Variants in NXPH2 observed in about 807,000 individuals in gnomAD.
NXPH2 encodes neurexophilin-2.
Under a neutral mutation model 19.8 loss-of-function variants are expected in NXPH2, and 5 were observed. The ratio of observed to expected loss-of-function variants is 0.25; its 90% CI spans 0.13 to 0.53. The LOEUF (loss-of-function observed/expected upper bound fraction) is 0.53, where lower values mean the gene tolerates loss of function less well. NXPH2 is among the 20% of genes least tolerant of loss of function. The probability of loss-of-function intolerance (pLI) is 0.96; values close to 1 mark genes in which losing one functional copy is unlikely to be tolerated. For synonymous variants in NXPH2, 154 were observed against 127.4 expected (o/e 1.21, Z -1.41); for missense variants, 289 against 322.8 (o/e 0.90, Z 0.80).
At chr2:138,767,512 G>T (rs1044868857) in intron 1 of NXPH2, among the ~76,000 whole-genome samples, 4 of 152,104 alleles carry the variant, frequency 2.6e-5, no homozygotes, top group Non-Finnish European at 5.9e-5. Flanking sequence ...TGTTACATAG[G>T]TATACATGTG....
At chr2:138,746,023 C>T (rs954499065) in intron 1 of NXPH2, among the ~76,000 whole-genome samples, 5 of 152,056 alleles carry the variant, frequency 3.3e-5, no homozygotes, top group African/African-American at 7.2e-5. Context: ...TGCTGATAGT[C>T]GTGGGGAGAG....
At chr2:138,684,544 T>A (rs1420125468) in intron 1 of NXPH2, among the ~76,000 whole-genome samples, 3 of 152,188 alleles carry the variant, frequency 2.0e-5, no homozygotes, top group African/African-American at 7.2e-5. Flanking sequence ...ATATACAGTA[T>A]TTAGTTGCAT....
intron 1 of NXPH2, among the ~76,000 whole-genome samples, chr2:138,703,808 G>A (rs902499686): frequency 2.0e-5 from 3 of 152,186 alleles, no homozygotes; most frequent in Admixed American, 6.5e-5. Context: ...CCTCCTAACT[G>A]AGAAACATGC....
At chr2:138,676,899 C>G (rs943615162) in intron 1 of NXPH2, among the ~76,000 whole-genome samples, 2 of 152,224 alleles carry the variant, frequency 1.3e-5, no homozygotes, top group Admixed American at 6.5e-5. Flanking sequence ...TGTTTCTAGT[C>G]TTACTGGCAT....
intron 1 of NXPH2, among the ~76,000 whole-genome samples, chr2:138,759,542 C>T (rs1437118450): frequency 6.6e-6 from 1 of 151,606 alleles, no homozygotes; most frequent in African/African-American, 2.4e-5. Context: ...AGAAAGATTG[C>T]CAGCCCACTT....
chr2:138,770,003 A>G (rs1020684634), intron 1 of NXPH2, among the ~76,000 whole-genome samples: 1 of 152,204 alleles, frequency 6.6e-6, no homozygotes, highest in Non-Finnish European at 1.5e-5. Context: ...AAATTTAAGG[A>G]TACAGAAACA....
chr2:138,676,168 C>A (rs1160462260), intron 1 of NXPH2, among the ~76,000 whole-genome samples: 3 of 152,146 alleles, frequency 2.0e-5, no homozygotes, highest in Non-Finnish European at 4.4e-5. Flanking sequence ...ACCCAAATCT[C>A]AAAAAGCTAT....
intron 1 of NXPH2, among the ~76,000 whole-genome samples, chr2:138,753,100 G>C (rs1372680307): frequency 2.0e-5 from 3 of 152,146 alleles, no homozygotes; most frequent in African/African-American, 7.2e-5. Context: ...TCCCCTCCTT[G>C]AGGGTGAAGT....
rs1573952221 is a variant in NXPH2 at position 138,682,350 on chromosome 2, A to G, written c.52-10685T>C. Among the ~76,000 whole-genome samples the G allele has an allele frequency of 3.3e-5, 5 of 152,272 alleles. No homozygotes were observed. In the South Asian group the frequency reaches 1.0e-3, roughly 32 times the overall value. On this transcript the variant is annotated intron_variant, in intron 1 of 1. Transcript: ENST00000272641. ...AACATGCATCTGCCGGACAGCATAC[A>G]ATGCTGTATTGATGATTAGTAGTAT...
chr2:138,690,368 C>A (rs1021097793), intron 1 of NXPH2, among the ~76,000 whole-genome samples: 3 of 152,216 alleles, frequency 2.0e-5, no homozygotes, highest in Non-Finnish European at 4.4e-5. Context: ...ACCTGCTTCA[C>A]ACGCAGCATC....
intron 1 of NXPH2, among the ~76,000 whole-genome samples, chr2:138,751,484 A>C (rs1328251230): frequency 6.6e-6 from 1 of 152,180 alleles, no homozygotes; most frequent in Non-Finnish European, 1.5e-5. Flanking sequence ...TTTATGAGAA[A>C]CAACCATATA....
Position 138,780,255 on chromosome 2 carries a change from G to A in NXPH2, c.-14C>T. The A allele has an allele frequency of 7.0e-7, 1 of 1,424,850 alleles. No homozygotes were observed. The allele number at this position is 1,424,850 out of a possible 1,614,324, so 88.3% of individuals were successfully genotyped here. A position where few individuals can be genotyped will look rare whatever the true frequency, so the allele number is the denominator to read the frequency against. Reference sequence around the variant, plus strand: ...CCGCAGGCGCATGGTGCCGGCTGGCGCGGCTTTTCACGAGCTGCGCGCCCT... The same window carrying A: ...CCGCAGGCGCATGGTGCCGGCTGGCACGGCTTTTCACGAGCTGCGCGCCCT... On this transcript the variant is annotated 5_prime_UTR_variant, in exon 1 of 2. Coordinates refer to ENST00000272641, the MANE Select transcript of NXPH2 (RefSeq NM_007226.3).
At chr2:138,766,934 C>G (rs951980906) in intron 1 of NXPH2, among the ~76,000 whole-genome samples, 1 of 152,060 alleles carries the variant, frequency 6.6e-6, no homozygotes, top group African/African-American at 2.4e-5. Context: ...TTTAATTCTT[C>G]CAGTATTTGG....
chr2:138,738,129 A>C (rs1447326657), intron 1 of NXPH2, among the ~76,000 whole-genome samples: 1 of 143,524 alleles, frequency 7.0e-6, no homozygotes, highest in Admixed American at 7.3e-5. Flanking sequence ...ATGTGTTCTC[A>C]TTGTTCAATT....
chr2:138,710,809 G>A (rs1476436288), intron 1 of NXPH2, among the ~76,000 whole-genome samples: 14 of 152,084 alleles, frequency 9.2e-5, no homozygotes, highest in Non-Finnish European at 2.1e-4. Flanking sequence ...CCACCCTGCT[G>A]AAGCAGCCCA....
At chr2:138,771,843 T>C (rs762133035) in intron 1 of NXPH2, among the ~76,000 whole-genome samples, 1 of 152,198 alleles carries the variant, frequency 6.6e-6, no homozygotes, top group Non-Finnish European at 1.5e-5. Flanking sequence ...TCTGAGTGCA[T>C]TCTGGCAAAG....
intron 1 of NXPH2, among the ~76,000 whole-genome samples, chr2:138,724,957 C>A (rs768802297): frequency 2.6e-5 from 4 of 152,182 alleles, no homozygotes; most frequent in Non-Finnish European, 5.9e-5. Flanking sequence ...TTGCTGTGTG[C>A]TCTGATTGCT....
At chr2:138,691,860 C>T (rs571857226) in intron 1 of NXPH2, among the ~76,000 whole-genome samples, 1 of 152,248 alleles carries the variant, frequency 6.6e-6, no homozygotes, top group African/African-American at 2.4e-5. Flanking sequence ...AATGCCCTTT[C>T]CAAAAGCAGA....
intron 1 of NXPH2, among the ~76,000 whole-genome samples, chr2:138,746,468 A>C (rs115517523): frequency 0.014 from 2,135 of 152,320 alleles, 31 homozygotes; most frequent in Middle Eastern, 0.058. Flanking sequence ...CAGAGGATGA[A>C]TGGTGACCTG....
Sources: allele counts gnomAD v4.1 joint callset (sites outside exome capture counted in the v4.1 genomes callset), GRCh38; gene constraint gnomAD v4.1.1; transcripts MANE v1.5; gene names NCBI Gene and HGNC (gene_info 2026-07-23, HGNC 2026-07-21).